CLIC5: variants seen among roughly 807,000 people sequenced by gnomAD.
The protein encoded by CLIC5 is chloride intracellular channel protein 5.
In CLIC5, 20 loss-of-function variants were observed where a neutral mutation model predicts 24.7. The observed-to-expected ratio is 0.81, with a 90% CI of 0.57 to 1.18. The LOEUF (loss-of-function observed/expected upper bound fraction) is 1.18, where lower values mean the gene tolerates loss of function less well. CLIC5 is among the 50% of genes most tolerant of loss of function. CLIC5 has a pLI of 0.00. For missense variants in CLIC5, 341 were observed against 326.1 expected, an observed-to-expected ratio of 1.05 and a Z score of -0.35; for synonymous variants, 159 against 135.6, an observed-to-expected ratio of 1.17 and a Z score of -1.20.
At chr6:46,087,619 G>A in the CLIC5 span, among the ~76,000 whole-genome samples, 2 of 151,848 alleles carry the variant, frequency 1.3e-5, no homozygotes, top group South Asian at 2.1e-4. Context: ...CCCTCTCTGC[G>A]GACTCCATCA....
At chr6:45,920,886 A>C (rs1001104396) in intron 4 of CLIC5, among the ~76,000 whole-genome samples, 2 of 152,222 alleles carry the variant, frequency 1.3e-5, no homozygotes, top group Admixed American at 1.3e-4. Flanking sequence ...AGATATTCTA[A>C]GGGGATTTTG....
At chr6:45,895,862 G>A (rs1416195531), downstream of CLIC5, among the ~76,000 whole-genome samples, 1 of 152,094 alleles carries the variant, frequency 6.6e-6, no homozygotes, top group Admixed American at 6.6e-5. Context: ...TCTCTATTAT[G>A]GCATTTGTAT....
At chr6:45,882,557 A>G (rs1762272516) in intron 6 of CLIC5, among the ~76,000 whole-genome samples, 1 of 152,234 alleles carries the variant, frequency 6.6e-6, no homozygotes. Flanking sequence ...TCCCAGTGGA[A>G]TGAGAAGATC....
rs1354589575 is a variant in CLIC5, at chr6:46,015,780, G to C, written c.-238C>G. ...GAGGCGGGGGGCCACGGGGAAAGCCGGGTTAAGGGAATGACAACAGGTCGT... is the reference window on the plus strand; with the variant it reads ...GAGGCGGGGGGCCACGGGGAAAGCCCGGTTAAGGGAATGACAACAGGTCGT... On this transcript the variant is annotated 5_prime_UTR_variant, in exon 1 of 6. Transcript: ENST00000339561. 3.3e-6 allele frequency: 4 copies of C among 1,225,088 alleles called. No individual in the cohort carries two copies. The African/African-American group carries it at 6.2e-5, about 19-fold the overall frequency. The allele number at this position is 1,225,088 out of a possible 1,614,324, so 75.9% of individuals were successfully genotyped here.
intron 6 of CLIC5, among the ~76,000 whole-genome samples, chr6:45,893,117 T>C (rs1489965200): frequency 1.3e-5 from 2 of 152,160 alleles, no homozygotes; most frequent in Non-Finnish European, 2.9e-5. Flanking sequence ...TATTATGTTG[T>C]GGTTCAGCGA....
chr6:46,028,299 T>A (rs1252649126), intron 1 of CLIC5, among the ~76,000 whole-genome samples: 1 of 152,198 alleles, frequency 6.6e-6, no homozygotes, highest in Admixed American at 6.5e-5. Flanking sequence ...AGATGCTGCA[T>A]GCCTGGCCAT....
chr6:45,978,913 GC>G (rs1765475516), intron 1 of CLIC5, among the ~76,000 whole-genome samples: 1 of 151,072 alleles, frequency 6.6e-6, no homozygotes, highest in African/African-American at 2.4e-5. Context: ...TTGCACCATT[GC>G]ACTCCAGCCT....
At chr6:45,883,994 A>G (rs959077564) in intron 6 of CLIC5, among the ~76,000 whole-genome samples, 6 of 152,226 alleles carry the variant, frequency 3.9e-5, no homozygotes, top group Non-Finnish European at 8.8e-5. Flanking sequence ...CAGACCATGA[A>G]GGGTTTATTT....
chr6:45,907,845 T>A (rs1301328705), intron 5 of CLIC5, among the ~76,000 whole-genome samples: 1 of 152,322 alleles, frequency 6.6e-6, no homozygotes, highest in East Asian at 1.9e-4. Flanking sequence ...AGAAATAGAA[T>A]CATAATCAGT....
chr6:46,084,968 C>T (rs1234989091), upstream of CLIC5, among the ~76,000 whole-genome samples: 2 of 152,146 alleles, frequency 1.3e-5, no homozygotes, highest in African/African-American at 2.4e-5. Flanking sequence ...AGGCTTTGTT[C>T]GTTTCTTTTT....
intron 6 of CLIC5, among the ~76,000 whole-genome samples, chr6:45,881,632 C>CT (rs1762263947): frequency 6.6e-6 from 1 of 152,164 alleles, no homozygotes; most frequent in Admixed American, 6.5e-5. Context: ...ATACCTTTCC[C>CT]TTTACCCCTT....
chr6:45,928,903 C>A (rs1763615281), intron 4 of CLIC5, among the ~76,000 whole-genome samples: 1 of 152,132 alleles, frequency 6.6e-6, no homozygotes, highest in Admixed American at 6.5e-5. Context: ...GGTGAAAGAA[C>A]ATTTAACTCA....
intron 3 of CLIC5, among the ~76,000 whole-genome samples, chr6:45,944,673 A>G (rs1044427016): frequency 6.6e-6 from 1 of 152,126 alleles, no homozygotes; most frequent in African/African-American, 2.4e-5. Flanking sequence ...CTCACTGACT[A>G]GCCACAGCCA....
At chr6:46,066,286 G>A (rs767751910) in intron 1 of CLIC5, among the ~76,000 whole-genome samples, 4 of 152,116 alleles carry the variant, frequency 2.6e-5, no homozygotes, top group Non-Finnish European at 4.4e-5. Flanking sequence ...CTATGTGGGA[G>A]CACCTCTATT....
chr6:46,091,202 A>G, the CLIC5 span, among the ~76,000 whole-genome samples: 1 of 152,158 alleles, frequency 6.6e-6, no homozygotes, highest in Non-Finnish European at 1.5e-5. Context: ...TCTTGAACTT[A>G]TCCCTCCTGT....
intron 6 of CLIC5, among the ~76,000 whole-genome samples, chr6:45,886,224 T>C (rs1762304267): frequency 6.6e-6 from 1 of 152,176 alleles, no homozygotes; most frequent in Admixed American, 6.5e-5. Flanking sequence ...AGCAGAAATC[T>C]TGAAAAACTC....
chr6:46,039,562 A>C (rs1767751164), intron 1 of CLIC5, among the ~76,000 whole-genome samples: 1 of 152,126 alleles, frequency 6.6e-6, no homozygotes. Flanking sequence ...AAAACGAATA[A>C]AATAAGCATA....
rs538437384 is a variant in CLIC5 at position 45,998,813 on chromosome 6, A to T, written c.63+16667T>A. Among the ~76,000 whole-genome samples the T allele has an allele frequency of 7.9e-5, 12 of 152,340 alleles. No individual in the cohort carries two copies. In the South Asian group the frequency reaches 2.5e-3, roughly 32 times the overall value. On this transcript the variant is annotated intron_variant, in intron 1 of 5. Transcript: ENST00000339561. Reference sequence around the variant, plus strand: ...CACATTCGTTCAATTCCTTCTTGGAAGGGTACCTAGGTCAGCGATCAGCTC... The same window carrying T: ...CACATTCGTTCAATTCCTTCTTGGATGGGTACCTAGGTCAGCGATCAGCTC...
intron 6 of CLIC5, among the ~76,000 whole-genome samples, chr6:45,882,495 C>T (rs1022161693): frequency 3.3e-5 from 5 of 152,226 alleles, no homozygotes; most frequent in African/African-American, 1.2e-4. Context: ...CAAGCCTTTC[C>T]TCCTTCCCAC....
Sources: allele counts gnomAD v4.1 joint callset (sites outside exome capture counted in the v4.1 genomes callset), GRCh38; gene constraint gnomAD v4.1.1; transcripts MANE v1.5; gene names NCBI Gene and HGNC (gene_info 2026-07-23, HGNC 2026-07-21).